Variants in LACC1 observed in about 807,000 individuals in gnomAD.
LACC1 encodes laccase domain multifunctional purine nucleosidase 1.
In LACC1, 25 loss-of-function variants were observed where a neutral mutation model predicts 34.8. That is an observed-to-expected ratio of 0.72 (90% CI 0.52 to 1.00). The LOEUF (loss-of-function observed/expected upper bound fraction) is 1.00, where lower values mean the gene tolerates loss of function less well. LACC1 is among the 50% of genes least tolerant of loss of function. The probability of loss-of-function intolerance (pLI) is 0.00; values close to 1 mark genes in which losing one functional copy is unlikely to be tolerated. For missense variants in LACC1, 426 were observed against 511.2 expected (o/e 0.83, Z 1.61); for synonymous variants, 162 against 168.0 (o/e 0.96, Z 0.28).
rs900159507 is a variant in LACC1, at chr13:43,892,431, A to G, written c.*984A>G. ...TACTAGATAATGGAAGTAAGAGGTG[A>G]GGAAGAGTGGAAAAGTCATTAATGA... On this transcript the variant is annotated 3_prime_UTR_variant, in exon 7 of 7. Coordinates refer to ENST00000325686, the MANE Select transcript of LACC1 (RefSeq NM_153218.4). 1 of 152,138 alleles carries G rather than the reference A, an allele frequency of 6.6e-6. No homozygotes were observed. The highest frequency in any genetic ancestry group is 2.4e-5 in the African/African-American group (1 of 41,440). 9.4% of individuals were successfully genotyped at this position (152,138 alleles called of 1,614,324 possible).
chr13:43,887,174 C>G (rs910737990), intron 4 of LACC1, among the ~76,000 whole-genome samples: 4 of 152,116 alleles, frequency 2.6e-5, no homozygotes, highest in Non-Finnish European at 2.9e-5. Context: ...GATATCCTAC[C>G]CACTTACAGA....
intron 5 of LACC1, among the ~76,000 whole-genome samples, chr13:43,889,439 T>G (rs1422514758): frequency 1.3e-5 from 2 of 152,186 alleles, no homozygotes; most frequent in African/African-American, 2.4e-5. Flanking sequence ...ACTTTTAAGT[T>G]TTTTACAGTT....
intron 4 of LACC1, 81 bp from the exon 5 acceptor site, chr13:43,888,676 T>G (rs901344973): frequency 8.7e-6 from 9 of 1,039,828 alleles, no homozygotes; most frequent in Admixed American, 1.9e-5. Flanking sequence ...CTAAATCTGC[T>G]CACTTTTAAC....
At position 43,891,665 on chromosome 13, in the gene LACC1, C is replaced by T; in HGVS notation, c.*218C>T. 1.9e-6 allele frequency: 1 copy of T among 516,312 alleles called. No homozygotes were observed. The highest frequency in any genetic ancestry group is 2.5e-6 in the Non-Finnish European group (1 of 401,440). 32.0% of individuals were successfully genotyped at this position (516,312 alleles called of 1,614,324 possible). On this transcript the variant is annotated 3_prime_UTR_variant, in exon 7 of 7. Coordinates refer to ENST00000325686, the MANE Select transcript of LACC1 (RefSeq NM_153218.4). ...TATGTTGTAGCTAATATGTTTTATG[C>T]ATGAGAATTATTCTTAAAGTTTGTT...
In LACC1 at chr13:43,881,165, T is replaced by A; in HGVS notation, c.180T>A (p.Asn60Lys). Residue 60 changes from asparagine to lysine, a missense_variant, in exon 2 of 7, where the codon AAT (asparagine) becomes AAA (lysine). Physicochemically the swap from Asn to Lys is moderately conservative, Grantham distance 94. This residue lies in a region of LACC1 where 217 missense variants were observed against 210.9 expected (regional missense o/e 1.03). Transcript: ENST00000325686. Reference protein sequence around the residue: ...ISYERDGEQDNCEIETSNGLS... With the variant: ...ISYERDGEQDKCEIETSNGLS... Reference sequence around the variant, plus strand: ...ATGAAAGGGATGGAGAACAAGATAATTGTGAAATAGAAACAAGCAATGGAT... The same window carrying A: ...ATGAAAGGGATGGAGAACAAGATAAATGTGAAATAGAAACAAGCAATGGAT... 1 of 1,614,154 alleles carries A rather than the reference T, an allele frequency of 6.2e-7. No individual in the cohort carries two copies. Among genetic ancestry groups the A allele is most frequent in the Non-Finnish European group, 8.5e-7 (1 of 1,180,016 alleles).
chr13:43,879,763 G>A (rs3816313), upstream of LACC1: 64 of 113,024 alleles, frequency 5.7e-4, 1 homozygote, highest in East Asian at 0.015. Flanking sequence ...GGCGAGGTGG[G>A]CGAGGGGGGC....
At chr13:43,882,445 A>G in intron 3 of LACC1, 82 bp downstream of exon 3, 2 of 1,025,728 alleles carry the variant, frequency 1.9e-6, no homozygotes, top group South Asian at 1.7e-5. Flanking sequence ...AAGCTATTTA[A>G]CTTTTGTATC....
rs373193284 is a variant in LACC1 at position 43,882,279 on chromosome 13, A to G, written c.657A>G (p.Arg219=). 7.4e-6 allele frequency: 12 copies of G among 1,613,926 alleles called. No individual in the cohort carries two copies. The African/African-American group carries it at 1.1e-4, about 14-fold the overall frequency. The part of the protein sequence containing the change: ...SFNLFSSSKR[R]DPKVVVQENL... ...ATCTCTTCAGTAGTTCCAAACGGAG[A>G]GATCCCAAGGTAGTGGTTCAAGAAA... Residue 219 remains arginine (R), a synonymous_variant, in exon 3 of 7, where the codon AGA becomes AGG. Coordinates refer to ENST00000325686, the MANE Select transcript of LACC1 (RefSeq NM_153218.4).
At chr13:43,891,154 G>T (rs1182556086) in intron 6 of LACC1, among the ~76,000 whole-genome samples, 1 of 152,128 alleles carries the variant, frequency 6.6e-6, no homozygotes, top group Non-Finnish European at 1.5e-5. Context: ...ACTGACACAT[G>T]ATCTAAAGTC....
At chr13:43,889,916 C>A (rs1955495896) in intron 5 of LACC1, 198 bp from the exon 6 acceptor site, 1 of 535,536 alleles carries the variant, frequency 1.9e-6, no homozygotes, top group East Asian at 3.0e-5. Flanking sequence ...CATATATGAA[C>A]TTAGGTGATA....
intron 5 of LACC1, among the ~76,000 whole-genome samples, chr13:43,889,319 G>A (rs1278767226): frequency 2.0e-5 from 3 of 152,068 alleles, no homozygotes; most frequent in Non-Finnish European, 4.4e-5. Context: ...TCTCCTAAAT[G>A]TAATGAACTA....
intron 6 of LACC1, among the ~76,000 whole-genome samples, chr13:43,890,775 A>G (rs1439365073): frequency 3.9e-5 from 6 of 152,342 alleles, no homozygotes; most frequent in Non-Finnish European, 8.8e-5. Context: ...TAGATTTCCA[A>G]ATGATTATCT....
At chr13:43,889,188 A>T (rs901285856) in intron 5 of LACC1, among the ~76,000 whole-genome samples, 4 of 152,158 alleles carry the variant, frequency 2.6e-5, no homozygotes, top group African/African-American at 4.8e-5. Flanking sequence ...CCTGTCTGGT[A>T]TCTTTCATTG....
chr13:43,881,160 G>T lies in LACC1; in HGVS notation c.175G>T (p.Asp59Tyr). The T allele has an allele frequency of 6.2e-7, 1 of 1,614,144 alleles. No homozygotes were observed. The highest frequency in any genetic ancestry group is 8.5e-7 in the Non-Finnish European group (1 of 1,180,026). The change falls in exon 2 of 7, where the codon GAT becomes TAT. Residue 59 changes from aspartate (D) to tyrosine (Y), a missense_variant. Asp to Tyr is a radical substitution (Grantham distance 160). Around this residue, in one of 2 missense-constraint regions of LACC1, gnomAD observed 217 missense variants for 210.9 expected, o/e 1.03. Coordinates refer to ENST00000325686, the MANE Select transcript of LACC1 (RefSeq NM_153218.4). ...NISYERDGEQ[D>Y]NCEIETSNGL... ...CAGCTATGAAAGGGATGGAGAACAA[G>T]ATAATTGTGAAATAGAAACAAGCAA...
chr13:43,883,960 T>C (rs757202025), intron 4 of LACC1, 24 bp downstream of exon 4: 27 of 1,583,132 alleles, frequency 1.7e-5, no homozygotes, highest in Admixed American at 3.6e-5. Flanking sequence ...ATTAAACATT[T>C]AGAATTTTAC....
rs1955453529 is a variant in LACC1 at position 43,888,988 on chromosome 13, T to C, written c.1133+6T>C. 6.3e-7 allele frequency: 1 copy of C among 1,595,088 alleles called. No homozygotes were observed. Among genetic ancestry groups the C allele is most frequent in the Admixed American group, 1.7e-5 (1 of 59,898 alleles). The stretch of plus-strand genomic sequence containing the variant: ...GACATCCGTAAAGCCACAAGGTATG[T>C]CTGATTTCATTCAACTGCAAGTTTG... On this transcript the variant is annotated splice_donor_region_variant and intron_variant, in intron 5 of 6. Transcript: ENST00000325686.
intron 4 of LACC1, among the ~76,000 whole-genome samples, chr13:43,886,939 C>T (rs970529249): frequency 6.6e-6 from 1 of 151,846 alleles, no homozygotes; most frequent in African/African-American, 2.4e-5. Flanking sequence ...GGATGAACTA[C>T]AAGTGAGAGG....
chr13:43,884,045 G>A, intron 4 of LACC1, 109 bp downstream of exon 4: 1 of 829,484 alleles, frequency 1.2e-6, no homozygotes, highest in Non-Finnish European at 1.9e-6. Context: ...TTACACTGTG[G>A]TAAGTGTAAT....
chr13:43,884,306 C>T (rs1955210124), intron 4 of LACC1, among the ~76,000 whole-genome samples: 2 of 152,124 alleles, frequency 1.3e-5, no homozygotes, highest in Non-Finnish European at 2.9e-5. Flanking sequence ...CCTCTAGTTA[C>T]TGTAATAACC....
Sources: allele counts gnomAD v4.1 joint callset (sites outside exome capture counted in the v4.1 genomes callset), GRCh38; gene constraint gnomAD v4.1.1; regional missense constraint gnomAD v4.1.1; transcripts MANE v1.5; gene names NCBI Gene and HGNC (gene_info 2026-07-23, HGNC 2026-07-21).